The following TMEM132C variants were observed in gnomAD, a reference collection of about 807,000 sequenced individuals.
TMEM132C encodes protein phosphatase 1, regulatory subunit 152.
In TMEM132C, 29 loss-of-function variants were observed where a neutral mutation model predicts 61.4. The ratio of observed to expected loss-of-function variants is 0.47; its 90% CI spans 0.35 to 0.64. The LOEUF (loss-of-function observed/expected upper bound fraction) is 0.64. Ranked by LOEUF, TMEM132C falls within the 30% of genes least tolerant of loss-of-function variation. The probability of loss-of-function intolerance (pLI) is 0.00; values close to 1 mark genes in which losing one functional copy is unlikely to be tolerated. For synonymous variants in TMEM132C, 656 were observed against 633.1 expected, an observed-to-expected ratio of 1.04 and a Z score of -0.54; for missense variants, 1,408 against 1,476.9, an observed-to-expected ratio of 0.95 and a Z score of 0.76.
chr12:128,321,557 T>C (rs1200972541), intron 1 of TMEM132C, among the ~76,000 whole-genome samples: 1 of 152,018 alleles, frequency 6.6e-6, no homozygotes, highest in African/African-American at 2.4e-5. Flanking sequence ...AATCTCTGTA[T>C]CCTTACCTGG....
At chr12:128,616,040 G>C in intron 3 of TMEM132C, 112 bp from the exon 4 acceptor site, 1 of 1,330,314 alleles carries the variant, frequency 7.5e-7, no homozygotes, top group Non-Finnish European at 1.0e-6. Flanking sequence ...CAAAACCCTG[G>C]AGCCATCCCT....
At chr12:128,596,698 T>C (rs1875965611) in intron 3 of TMEM132C, among the ~76,000 whole-genome samples, 2 of 151,998 alleles carry the variant, frequency 1.3e-5, no homozygotes, top group African/African-American at 4.8e-5. Context: ...CCCTGTTCTG[T>C]CCATCACACT....
chr12:128,617,554 G>GA, intron 4 of TMEM132C, among the ~76,000 whole-genome samples: 1 of 150,286 alleles, frequency 6.7e-6, no homozygotes, highest in African/African-American at 2.5e-5. Flanking sequence ...CAGCAGGTGG[G>GA]ACAGGTGTAG....
chr12:128,628,101 C>A (rs957409087), intron 4 of TMEM132C, among the ~76,000 whole-genome samples: 2 of 152,144 alleles, frequency 1.3e-5, no homozygotes, highest in South Asian at 4.1e-4. Context: ...CAGTCTCCCC[C>A]CACCTCACCA....
intron 1 of TMEM132C, among the ~76,000 whole-genome samples, chr12:128,285,251 A>T (rs2135902689): frequency 6.6e-6 from 1 of 152,278 alleles, no homozygotes; most frequent in East Asian, 1.9e-4. Flanking sequence ...TTTTCAACAA[A>T]AATGGTATTT....
intron 4 of TMEM132C, among the ~76,000 whole-genome samples, chr12:128,616,674 G>C (rs1876812344): frequency 1.3e-5 from 2 of 152,252 alleles, no homozygotes; most frequent in South Asian, 2.1e-4. Flanking sequence ...TGCAAACTCG[G>C]TTCCTTCTTG....
intron 3 of TMEM132C, among the ~76,000 whole-genome samples, chr12:128,611,738 T>G (rs1876641895): frequency 6.6e-6 from 1 of 152,166 alleles, no homozygotes; most frequent in African/African-American, 2.4e-5. Flanking sequence ...AAGTGAAGGT[T>G]CTTATAATTT....
chr12:128,589,789 G>C (rs1875687949), intron 3 of TMEM132C, among the ~76,000 whole-genome samples: 1 of 152,054 alleles, frequency 6.6e-6, no homozygotes, highest in Non-Finnish European at 1.5e-5. Context: ...CAGCAGTGCA[G>C]CCTTGGGCAA....
At chr12:128,280,710 C>T (rs1489798570) in intron 1 of TMEM132C, among the ~76,000 whole-genome samples, 2 of 152,122 alleles carry the variant, frequency 1.3e-5, no homozygotes, top group Admixed American at 1.3e-4. Flanking sequence ...TGTTGGCTTC[C>T]TTATTAGGTT....
At chr12:128,366,510 G>A (rs1873878171) in intron 1 of TMEM132C, among the ~76,000 whole-genome samples, 1 of 152,150 alleles carries the variant, frequency 6.6e-6, no homozygotes, top group Admixed American at 6.5e-5. Context: ...ATGGTTCTCT[G>A]GATCTCCGGT....
chr12:128,533,714 G>A (rs556182471), intron 2 of TMEM132C, among the ~76,000 whole-genome samples: 1 of 152,142 alleles, frequency 6.6e-6, no homozygotes, highest in Non-Finnish European at 1.5e-5. Context: ...CTCCATATAC[G>A]GTCACATTCT....
chr12:128,609,197 C>T (rs186555595), intron 3 of TMEM132C, among the ~76,000 whole-genome samples: 4 of 116,810 alleles, frequency 3.4e-5, no homozygotes. Context: ...CCCTGTAACC[C>T]CCACCTCCCT....
chr12:128,616,863 T>C (rs887069099), intron 4 of TMEM132C, among the ~76,000 whole-genome samples: 1 of 152,196 alleles, frequency 6.6e-6, no homozygotes, highest in African/African-American at 2.4e-5. Context: ...TGACTCACAA[T>C]GTGGCCACTC....
intron 3 of TMEM132C, among the ~76,000 whole-genome samples, chr12:128,581,446 C>T (rs554284581): frequency 1.0e-3 from 157 of 152,296 alleles, no homozygotes; most frequent in Middle Eastern, 3.4e-3. Flanking sequence ...GCAAAGGACA[C>T]ATTCCATCTG....
At chr12:128,588,739 A>T (rs957810382) in intron 3 of TMEM132C, among the ~76,000 whole-genome samples, 1 of 152,190 alleles carries the variant, frequency 6.6e-6, no homozygotes, top group Non-Finnish European at 1.5e-5. Context: ...CCAAGTGAGG[A>T]CACAGCATCT....
chr12:128,381,435 G>A (rs1250574167), intron 1 of TMEM132C, among the ~76,000 whole-genome samples: 1 of 152,234 alleles, frequency 6.6e-6, no homozygotes, highest in Non-Finnish European at 1.5e-5. Flanking sequence ...AACCCTGGGA[G>A]CCGGTCTTCA....
At chr12:128,375,397 G>A (rs1874162126) in intron 1 of TMEM132C, among the ~76,000 whole-genome samples, 1 of 152,162 alleles carries the variant, frequency 6.6e-6, no homozygotes, top group African/African-American at 2.4e-5. Context: ...TCTTCCTAGA[G>A]GCTGTGGGGG....
At chr12:128,388,823 T>C (rs1244743581) in intron 1 of TMEM132C, among the ~76,000 whole-genome samples, 1 of 152,254 alleles carries the variant, frequency 6.6e-6, no homozygotes, top group African/African-American at 2.4e-5. Flanking sequence ...CTAGTTTTGA[T>C]GCAATAACGG....
At chr12:128,504,045 C>T (rs993949721) in intron 2 of TMEM132C, among the ~76,000 whole-genome samples, 2 of 152,014 alleles carry the variant, frequency 1.3e-5, no homozygotes, top group Non-Finnish European at 2.9e-5. Flanking sequence ...TTCCTCTCTC[C>T]CCCTCTCCCT....
Sources: allele counts gnomAD v4.1 joint callset (sites outside exome capture counted in the v4.1 genomes callset), GRCh38; gene constraint gnomAD v4.1.1; transcripts MANE v1.5; gene names NCBI Gene and HGNC (gene_info 2026-07-23, HGNC 2026-07-21).